Variants in FLNB observed in about 807,000 individuals in gnomAD.
The protein encoded by FLNB is filamin B.
Under a neutral mutation model 250.6 loss-of-function variants are expected in FLNB, and 111 were observed. The observed-to-expected ratio is 0.44, with a 90% CI of 0.38 to 0.52. The LOEUF is 0.52. Ranked by LOEUF, FLNB falls within the 20% of genes least tolerant of loss-of-function variation. FLNB has a pLI of 0.00. For synonymous variants in FLNB, 1,302 were observed against 1,372.1 expected, an observed-to-expected ratio of 0.95 and a Z score of 1.13; for missense variants, 2,869 against 3,447.8, an observed-to-expected ratio of 0.83 and a Z score of 4.20.
chr3:58,093,562 A>T (rs931681421), intron 4 of FLNB, among the ~76,000 whole-genome samples: 11 of 152,074 alleles, frequency 7.2e-5, no homozygotes, highest in African/African-American at 2.7e-4. Flanking sequence ...GGACATTCCA[A>T]GGGGTTTAGG....
chr3:58,154,434 A>G (rs773956730), intron 39 of FLNB, among the ~76,000 whole-genome samples: 6 of 152,090 alleles, frequency 3.9e-5, no homozygotes, highest in Middle Eastern at 3.4e-3. Flanking sequence ...AGTCTCAGCT[A>G]CTCGGGAGGC....
intron 14 of FLNB, 120 bp downstream of exon 14, chr3:58,109,442 T>G: frequency 6.3e-7 from 1 of 1,591,468 alleles, no homozygotes; most frequent in Non-Finnish European, 8.6e-7. Context: ...TGGTGGGCCT[T>G]GAATGATGGA....
chr3:58,082,698 G>A (rs1411417155), intron 4 of FLNB, among the ~76,000 whole-genome samples: 2 of 151,722 alleles, frequency 1.3e-5, no homozygotes, highest in African/African-American at 4.8e-5. Context: ...TTGAACCCAG[G>A]AGGCAGAGGT....
In FLNB at chr3:58,171,070, C is replaced by T. The variant is rs2097381786; in HGVS notation, c.*308C>T. On this transcript the variant is annotated 3_prime_UTR_variant, in exon 46 of 46. Transcript: ENST00000295956. This position sits in a 1 kb window ranked among gnomAD's most constrained non-coding sequence, Gnocchi z 5.5. ...CAGACCAGGAACACAATGAGACTGA[C>T]ATTTCAAAAAAACAAAACTGGCTAG... The T allele has an allele frequency of 6.3e-6, 2 of 319,810 alleles. No homozygotes were observed. Among genetic ancestry groups the T allele is most frequent in the Middle Eastern group, 9.7e-4 (1 of 1,030 alleles). The allele number at this position is 319,810 out of a possible 1,614,324, so 19.8% of individuals were successfully genotyped here.
rs762705091 is a variant in FLNB, at chr3:58,142,546, C to T, written c.5182-104C>T. ...AATGGGCAGCCGCATTCCCAAATCC[C>T]GGCCTCACTGGCTTGTAGAATTCCC... On this transcript the variant is annotated intron_variant, in intron 30 of 45. Transcript: ENST00000295956. This position sits in a 1 kb window ranked among gnomAD's most constrained non-coding sequence, Gnocchi z 4.3. The T allele has an allele frequency of 8.7e-5, 86 of 992,226 alleles. 1 individual carries two copies. Among genetic ancestry groups the T allele is most frequent in the Middle Eastern group, 6.1e-4 (2 of 3,290 alleles). The allele number at this position is 992,226 out of a possible 1,614,324, so 61.5% of individuals were successfully genotyped here.
intron 1 of FLNB, among the ~76,000 whole-genome samples, chr3:58,073,820 C>G (rs1172550608): frequency 6.6e-6 from 1 of 152,178 alleles, no homozygotes; most frequent in African/African-American, 2.4e-5. Flanking sequence ...GTGATTGTCC[C>G]ACTGACAGGT....
intron 16 of FLNB, among the ~76,000 whole-genome samples, chr3:58,111,569 C>A (rs1009228259): frequency 6.6e-6 from 1 of 152,162 alleles, no homozygotes; most frequent in East Asian, 1.9e-4. Context: ...TTGTTTGTGA[C>A]ATCAGGGATC....
At chr3:58,069,490 C>G (rs1318770749) in intron 1 of FLNB, among the ~76,000 whole-genome samples, 1 of 152,156 alleles carries the variant, frequency 6.6e-6, no homozygotes, top group Non-Finnish European at 1.5e-5. Flanking sequence ...GTCCTCCTGC[C>G]TCAGCCTCCC....
chr3:58,143,751 CCAAA>C lies in FLNB; in HGVS notation c.5425+141_5425+144del, dbSNP rs1458273175. On this transcript the variant is annotated intron_variant, in intron 32 of 45. Coordinates refer to ENST00000295956, the MANE Select transcript of FLNB (RefSeq NM_001457.4). The stretch of plus-strand genomic sequence containing the variant: ...ATGCAGCGTTGGTACCCCTGTGAAA[CCAAA>C]CAGTCTGGGACCCTAGCAGGTCCAG... 4 of 1,042,324 alleles carry C rather than the reference CCAAA, an allele frequency of 3.8e-6. No homozygotes were observed. In the African/African-American group the frequency reaches 4.7e-5, roughly 12 times the overall value. 64.6% of individuals were successfully genotyped at this position (1,042,324 alleles called of 1,614,324 possible).
chr3:58,096,303 A>G, intron 6 of FLNB, 85 bp downstream of exon 6: 1 of 981,392 alleles, frequency 1.0e-6, no homozygotes, highest in Non-Finnish European at 1.6e-6. Flanking sequence ...TGTTTTTCTT[A>G]AGTGAATTTC....
chr3:58,052,511 G>C (rs2097164065), intron 1 of FLNB, among the ~76,000 whole-genome samples: 1 of 152,184 alleles, frequency 6.6e-6, no homozygotes, highest in Non-Finnish European at 1.5e-5. Flanking sequence ...TGAGTAAGAG[G>C]GGAAACAGGG....
chr3:58,105,081 C>G lies in FLNB; in HGVS notation c.1612C>G (p.Pro538Ala). Residue 538 changes from proline to alanine, a missense_variant and splice_region_variant, in exon 11 of 46, where the codon CCC (proline) becomes GCC (alanine). Coordinates refer to ENST00000295956, the MANE Select transcript of FLNB (RefSeq NM_001457.4). ...CTTCTTCTATTCCTTTCCCTGTAGC[C>G]CCTTTGAAGTTCAAGTTGGCCCTGA... ...TWGGHHIPKS[P>A]FEVQVGPEAG... 1 of 1,614,174 alleles carries G rather than the reference C, an allele frequency of 6.2e-7. No homozygotes were observed. Among genetic ancestry groups the G allele is most frequent in the African/African-American group, 1.3e-5 (1 of 75,028 alleles).
intron 1 of FLNB, among the ~76,000 whole-genome samples, chr3:58,060,717 G>C (rs952710876): frequency 7.5e-5 from 11 of 146,710 alleles, no homozygotes; most frequent in Admixed American, 2.7e-4. Context: ...TGTGAGGCTG[G>C]GGCAGGAGGA....
At chr3:58,072,343 C>T (rs948526913) in intron 1 of FLNB, among the ~76,000 whole-genome samples, 1 of 152,110 alleles carries the variant, frequency 6.6e-6, no homozygotes, top group Non-Finnish European at 1.5e-5. Context: ...TTATTTTATT[C>T]CCGAAAAAGG....
At chr3:58,145,081 A>C (rs1394979462) in intron 32 of FLNB, among the ~76,000 whole-genome samples, 1 of 152,296 alleles carries the variant, frequency 6.6e-6, no homozygotes, top group East Asian at 1.9e-4. Flanking sequence ...TTAAAGCAAA[A>C]ATGTATTATC....
At chr3:58,010,179 C>G (rs11920912) in intron 1 of FLNB, among the ~76,000 whole-genome samples, 47,392 of 152,038 alleles carry the variant, frequency 0.31, 8,442 homozygotes, top group Middle Eastern at 0.44. Context: ...GGATCTCTTC[C>G]TAAGGAGAAC....
At chr3:58,009,531 G>C (rs2097095358) in intron 1 of FLNB, among the ~76,000 whole-genome samples, 1 of 152,196 alleles carries the variant, frequency 6.6e-6, no homozygotes, top group Non-Finnish European at 1.5e-5. Flanking sequence ...TTATAATTTA[G>C]AGATGGTGGT....
rs368617386 is a variant in FLNB, at chr3:58,153,630, C to T, written c.6623C>T (p.Ala2208Val). Residue 2208 changes from alanine to valine, a missense_variant, in exon 39 of 46, where the codon GCG becomes GTG. Around this residue, in one of 5 missense-constraint regions of FLNB, gnomAD observed 1,084 missense variants for 1,315.5 expected, o/e 0.82. Transcript: ENST00000295956. ...GGCCCTGGCCTGGAGAGAGGAGAAG[C>T]GGGAGTCCCAGGTGAGCATTGCGGG... ...AGGPGLERGE[A>V]GVPAEFSIWT... 1 of 1,614,024 alleles carries T rather than the reference C, an allele frequency of 6.2e-7. No individual in the cohort carries two copies. Among genetic ancestry groups the T allele is most frequent in the Non-Finnish European group, 8.5e-7 (1 of 1,180,008 alleles).
At chr3:58,144,872 T>C (rs2362910) in intron 32 of FLNB, among the ~76,000 whole-genome samples, 24,177 of 152,282 alleles carry the variant, frequency 0.16, 2,206 homozygotes, top group Middle Eastern at 0.22. Context: ...CACACAACTT[T>C]CCCTATGTCT....
Sources: allele counts gnomAD v4.1 joint callset (sites outside exome capture counted in the v4.1 genomes callset), GRCh38; gene constraint gnomAD v4.1.1; regional missense constraint gnomAD v4.1.1; non-coding constraint Gnocchi (gnomAD v3.1); transcripts MANE v1.5; gene names NCBI Gene and HGNC (gene_info 2026-07-23, HGNC 2026-07-21).